Variants in IRAG2 observed in about 807,000 individuals in gnomAD.
IRAG2 encodes the protein inositol 1,4,5-triphosphate receptor associated 2, also known as lymphoid restricted membrane protein.
In IRAG2, 45 loss-of-function variants were observed where a neutral mutation model predicts 69.9. The ratio of observed to expected loss-of-function variants is 0.64; its 90% CI spans 0.51 to 0.83. The LOEUF (loss-of-function observed/expected upper bound fraction) is 0.83. Among genes scored for constraint, IRAG2 ranks in the 40% least tolerant of loss-of-function variants. The pLI, the probability that IRAG2 is intolerant of heterozygous loss-of-function variation, is 0.00. For synonymous variants in IRAG2, 193 were observed against 202.4 expected (o/e 0.95, Z 0.40); for missense variants, 520 against 587.0 (o/e 0.89, Z 1.18).
chr12:25,105,654 T>C (rs1048326464), intron 20 of IRAG2, among the ~76,000 whole-genome samples: 2 of 152,004 alleles, frequency 1.3e-5, no homozygotes, highest in African/African-American at 4.8e-5. Flanking sequence ...AAAAAATCAG[T>C]TCAAGAGTCT....
intron 14 of IRAG2, among the ~76,000 whole-genome samples, chr12:25,091,951 GA>G (rs1192089072): frequency 6.6e-6 from 1 of 152,042 alleles, no homozygotes; most frequent in East Asian, 1.9e-4. Context: ...TTTCTTTGCA[GA>G]AAAAAATTTT....
At chr12:25,008,279 T>C (rs1217268574) in intron 2 of IRAG2, among the ~76,000 whole-genome samples, 2 of 152,146 alleles carry the variant, frequency 1.3e-5, no homozygotes, top group East Asian at 3.9e-4. Flanking sequence ...AAAAGCTTGA[T>C]TGATTCTCTT....
rs1491181125 is a variant in IRAG2 at position 25,077,254 on chromosome 12, A to AAATATATATGG, written c.25-1990_25-1989insAATATATATGG. Among the ~76,000 whole-genome samples, 2 of 31,004 alleles carry AAATATATATGG rather than the reference A, an allele frequency of 6.5e-5. 1 individual carries two copies. The highest frequency in any genetic ancestry group is 1.4e-4 in the Non-Finnish European group (2 of 14,660). The allele number at this position is 31,004 out of a possible 152,430, so 20.3% of individuals were successfully genotyped here. On this transcript the variant is annotated intron_variant, in intron 6 of 21. Transcript: ENST00000556887. ...GATATATATATGAAATATATATATG[A>AAATATATATGG]TATATATATGAAATATATATGAAAT...
chr12:25,044,479 G>A (rs1484532985), intron 16 of IRAG2, among the ~76,000 whole-genome samples: 1 of 133,608 alleles, frequency 7.5e-6, no homozygotes, highest in Non-Finnish European at 1.7e-5. Flanking sequence ...ATAGAGGGCT[G>A]AACATATTAA....
chr12:24,999,548 TC>T (rs1944376242), upstream of IRAG2, among the ~76,000 whole-genome samples: 1 of 152,214 alleles, frequency 6.6e-6, no homozygotes, highest in Admixed American at 6.5e-5. Context: ...ATCTCTAACA[TC>T]ATTTTACATT....
intron 2 of IRAG2, chr12:25,006,365 C>A (rs1844664330): frequency 6.6e-6 from 1 of 152,180 alleles, no homozygotes; most frequent in Admixed American, 6.5e-5. Context: ...AGCAATCTGT[C>A]CACTGGGTAT....
intron 3 of IRAG2, among the ~76,000 whole-genome samples, chr12:25,063,472 A>T (rs1323742239): frequency 6.6e-6 from 1 of 152,210 alleles, no homozygotes; most frequent in East Asian, 1.9e-4. Context: ...GGAGTTGATG[A>T]TGTTAGCATT....
chr12:25,102,414 A>G (rs1297803619), intron 17 of IRAG2, 173 bp downstream of exon 17: 4 of 593,418 alleles, frequency 6.7e-6, no homozygotes. Context: ...TTTTGTATCA[A>G]TTAAGTGTGC....
At chr12:25,012,434 T>G (rs542689726) in intron 3 of IRAG2, among the ~76,000 whole-genome samples, 4 of 151,406 alleles carry the variant, frequency 2.6e-5, no homozygotes, top group Admixed American at 2.6e-4. Flanking sequence ...GGATTACAGG[T>G]GTGAGCCACC....
chr12:25,016,793 G>A (rs1489897173), intron 5 of IRAG2, among the ~76,000 whole-genome samples: 1 of 151,782 alleles, frequency 6.6e-6, no homozygotes, highest in Non-Finnish European at 1.5e-5. Context: ...TTTATTTCAG[G>A]ATCTCTCATA....
intron 16 of IRAG2, among the ~76,000 whole-genome samples, chr12:25,041,955 CTGTGTGTGTGTGTGTGTG>C (rs59225610): frequency 8.5e-4 from 126 of 148,396 alleles, no homozygotes; most frequent in Middle Eastern, 3.4e-3. Flanking sequence ...TTTGTTTCAG[CTGTGTGTGTGTGTGTGTG>C]TGTGTGTGTG....
chr12:25,027,224 C>T (rs954145531), intron 9 of IRAG2, among the ~76,000 whole-genome samples: 5 of 152,050 alleles, frequency 3.3e-5, no homozygotes, highest in African/African-American at 1.2e-4. Flanking sequence ...GTCCTCTCCC[C>T]AACCCTAAGC....
At chr12:25,100,825 CTTT>C (rs5797118) in intron 15 of IRAG2, 4 of 146,676 alleles carry the variant, frequency 2.7e-5, no homozygotes, top group Admixed American at 6.8e-5. Context: ...TGGACCTAAT[CTTT>C]TTTTTTTTTT....
chr12:25,015,142 GCT>G, intron 3 of IRAG2: 2 of 841,934 alleles, frequency 2.4e-6, no homozygotes, highest in African/African-American at 2.5e-5. Flanking sequence ...AAGAATCCTA[GCT>G]CACTGGTTTT....
intron 1 of IRAG2, chr12:25,005,181 G>T: frequency 1.2e-6 from 1 of 840,860 alleles, no homozygotes; most frequent in Non-Finnish European, 1.6e-6. Flanking sequence ...AAAAAAAAAA[G>T]GAAAATTAAT....
At chr12:25,106,824 C>A in intron 20 of IRAG2, 119 bp from the exon 21 acceptor site, 1 of 395,306 alleles carries the variant, frequency 2.5e-6, no homozygotes, top group Non-Finnish European at 4.6e-6. Context: ...TCGACTTTCC[C>A]TAAAACAGAA....
chr12:25,048,176 T>C (rs1462146921), upstream of IRAG2, among the ~76,000 whole-genome samples: 1 of 152,242 alleles, frequency 6.6e-6, no homozygotes, highest in Non-Finnish European at 1.5e-5. Flanking sequence ...TGAGGTGGTA[T>C]CTTATTGTGA....
chr12:25,006,606 G>T (rs2139815286), intron 2 of IRAG2, among the ~76,000 whole-genome samples: 1 of 152,294 alleles, frequency 6.6e-6, no homozygotes, highest in East Asian at 1.9e-4. Context: ...ATTATCCTAA[G>T]CGAACTAATG....
At chr12:25,102,489 A>G (rs1370600045) in intron 17 of IRAG2, 1 of 472,850 alleles carries the variant, frequency 2.1e-6, no homozygotes, top group African/African-American at 2.0e-5. Context: ...TGAAGTTGGA[A>G]GTGGGTAACC....
Sources: allele counts gnomAD v4.1 joint callset (sites outside exome capture counted in the v4.1 genomes callset), GRCh38; gene constraint gnomAD v4.1.1; transcripts MANE v1.5; gene names NCBI Gene and HGNC (gene_info 2026-07-23, HGNC 2026-07-21).